Variants in GAS7 observed in about 807,000 individuals in gnomAD.
The protein encoded by GAS7 is growth arrest specific 7, also known as growth arrest-specific protein 7.
GAS7 carries 28 observed loss-of-function variants against 71.1 expected under a neutral mutation model. The ratio of observed to expected loss-of-function variants is 0.39; its 90% CI spans 0.29 to 0.54. The LOEUF (loss-of-function observed/expected upper bound fraction) is 0.54. Ranked by LOEUF, GAS7 falls within the 20% of genes least tolerant of loss-of-function variation. The pLI, the probability that GAS7 is intolerant of heterozygous loss-of-function variation, is 0.62. For synonymous variants in GAS7, 258 were observed against 245.8 expected (o/e 1.05, Z -0.46); for missense variants, 436 against 627.8 (o/e 0.69, Z 3.27).
At chr17:9,982,806 GGAAAGAAAGGAAAGAAAGGAAA>G (rs1354174367) in intron 2 of GAS7, among the ~76,000 whole-genome samples, 3 of 50,146 alleles carry the variant, frequency 6.0e-5, no homozygotes, top group Admixed American at 1.6e-4. Flanking sequence ...AGGAAAGAAA[GGAAAGAAAGGAAAGAAAGGAAA>G]GAAAGAAAGA....
At chr17:10,077,766 T>C (rs1437896391) in intron 1 of GAS7, among the ~76,000 whole-genome samples, 2 of 152,186 alleles carry the variant, frequency 1.3e-5, no homozygotes, top group African/African-American at 4.8e-5. Flanking sequence ...ATCAGACCAA[T>C]TTCCTTTTTC....
chr17:9,966,529 T>A (rs2073026871), intron 4 of GAS7, among the ~76,000 whole-genome samples: 1 of 152,348 alleles, frequency 6.6e-6, no homozygotes, highest in African/African-American at 2.4e-5. Flanking sequence ...GAGTGATAAC[T>A]GACAGCAGGG....
At chr17:9,971,301 C>T (rs985055323) in intron 3 of GAS7, among the ~76,000 whole-genome samples, 2 of 151,992 alleles carry the variant, frequency 1.3e-5, no homozygotes, top group African/African-American at 4.8e-5. Flanking sequence ...GTGGCTCATG[C>T]CTGTTATCCC....
At chr17:9,928,724 C>CT (rs754187745) in intron 9 of GAS7, among the ~76,000 whole-genome samples, 7 of 152,238 alleles carry the variant, frequency 4.6e-5, no homozygotes, top group Non-Finnish European at 7.3e-5. Flanking sequence ...TGTCCCTATT[C>CT]TAAGCAACTG....
At chr17:10,158,475 C>T (rs536230602) in intron 1 of GAS7, among the ~76,000 whole-genome samples, 1 of 151,550 alleles carries the variant, frequency 6.6e-6, no homozygotes, top group Non-Finnish European at 1.5e-5. Flanking sequence ...AGCAAGATCC[C>T]ACCTCTATAA....
intron 2 of GAS7, among the ~76,000 whole-genome samples, chr17:9,982,574 C>T (rs1417376905): frequency 3.3e-5 from 5 of 151,938 alleles, no homozygotes; most frequent in African/African-American, 4.8e-5. Context: ...GTCAGGAGTT[C>T]GAGACCGGCC....
chr17:10,033,362 C>G (rs2072669934), intron 1 of GAS7, among the ~76,000 whole-genome samples: 1 of 152,120 alleles, frequency 6.6e-6, no homozygotes, highest in Non-Finnish European at 1.5e-5. Context: ...ACTATCCTCC[C>G]TAGCCTTCCT....
In GAS7 at chr17:10,150,102, G is replaced by A. The variant is rs150801954; in HGVS notation, c.183+48106C>T. ...TATACTGTAGAGAGCTGAGTTTTAC[G>A]TTATGTGAATAACATCTCAATAAAG... On this transcript the variant is annotated intron_variant, in intron 1 of 13. Coordinates refer to ENST00000432992, the MANE Select transcript of GAS7 (RefSeq NM_201433.2). Among the ~76,000 whole-genome samples, 664 of 152,196 alleles carry A rather than the reference G, an allele frequency of 4.4e-3. 4 individuals are homozygous for A. The highest frequency in any genetic ancestry group is 0.015 in the African/African-American group (631 of 41,506).
intron 1 of GAS7, among the ~76,000 whole-genome samples, chr17:10,082,073 C>T (rs1240811578): frequency 6.6e-6 from 1 of 152,070 alleles, no homozygotes; most frequent in East Asian, 1.9e-4. Flanking sequence ...GCTCTACATG[C>T]ACCAACACGA....
intron 1 of GAS7, among the ~76,000 whole-genome samples, chr17:10,152,801 T>C (rs1357062350): frequency 2.7e-5 from 4 of 150,930 alleles, no homozygotes; most frequent in African/African-American, 4.9e-5. Context: ...TGAGCAAGAG[T>C]TTCTAGAGGA....
intron 1 of GAS7, among the ~76,000 whole-genome samples, chr17:10,153,368 T>A (rs2074181723): frequency 6.6e-6 from 1 of 151,584 alleles, no homozygotes; most frequent in South Asian, 2.1e-4. Flanking sequence ...AATACAAAAA[T>A]TAGCCGGGTG....
intron 2 of GAS7, among the ~76,000 whole-genome samples, chr17:9,992,859 GT>G: frequency 6.6e-6 from 1 of 151,064 alleles, no homozygotes; most frequent in South Asian, 2.1e-4. Flanking sequence ...GCGGTGTTTG[GT>G]TTTTTGTCCT....
At chr17:10,108,146 C>T (rs557309511) in intron 1 of GAS7, among the ~76,000 whole-genome samples, 63 of 152,280 alleles carry the variant, frequency 4.1e-4, no homozygotes, top group African/African-American at 1.5e-3. Context: ...CCCAGCGTGG[C>T]CAGCTAGGCA....
intron 1 of GAS7, among the ~76,000 whole-genome samples, chr17:10,167,044 C>CTTTTGTTTTTTTT (rs2074299481): frequency 1.7e-5 from 1 of 58,806 alleles, no homozygotes; most frequent in Non-Finnish European, 2.9e-5. Context: ...TTCCATTTGT[C>CTTTTGTTTTTTTT]TTTTTTTTTT....
At chr17:9,965,483 G>T (rs2069668665) in intron 4 of GAS7, among the ~76,000 whole-genome samples, 1 of 152,064 alleles carries the variant, frequency 6.6e-6, no homozygotes, top group Admixed American at 6.6e-5. Context: ...GGACACCGGT[G>T]GGGGAACATC....
chr17:10,157,704 T>C (rs1418898154), intron 1 of GAS7, among the ~76,000 whole-genome samples: 1 of 152,198 alleles, frequency 6.6e-6, no homozygotes, highest in Non-Finnish European at 1.5e-5. Flanking sequence ...AATATACCCT[T>C]GGTCCTCCCG....
At chr17:10,006,844 A>C (rs760247668) in intron 2 of GAS7, among the ~76,000 whole-genome samples, 4 of 152,224 alleles carry the variant, frequency 2.6e-5, no homozygotes. Context: ...TTAAGAATAT[A>C]AACACTGGCC....
At chr17:9,955,195 C>T (rs918318275) in intron 5 of GAS7, among the ~76,000 whole-genome samples, 5 of 152,184 alleles carry the variant, frequency 3.3e-5, no homozygotes, top group Non-Finnish European at 7.4e-5. Context: ...CACAGCTCCA[C>T]CCTGCGGTGC....
intron 1 of GAS7, among the ~76,000 whole-genome samples, chr17:10,167,160 C>T (rs2074301711): frequency 6.9e-6 from 1 of 145,002 alleles, no homozygotes; most frequent in Admixed American, 7.2e-5. Context: ...TGGGTTCAAG[C>T]GATCCTCCTG....
Sources: allele counts gnomAD v4.1 joint callset (sites outside exome capture counted in the v4.1 genomes callset), GRCh38; gene constraint gnomAD v4.1.1; transcripts MANE v1.5; gene names NCBI Gene and HGNC (gene_info 2026-07-23, HGNC 2026-07-21).